RBFOX1: variants seen among roughly 807,000 people sequenced by gnomAD.
RBFOX1 encodes RNA binding fox-1 homolog 1, also known as RNA binding protein fox-1 homolog 1.
A neutral mutation model predicts 57.7 loss-of-function variants in RBFOX1; 8 were observed. The observed-to-expected ratio is 0.14, with a 90% CI of 0.08 to 0.25. The LOEUF is 0.25. Ranked by LOEUF, RBFOX1 falls within the 10% of genes least tolerant of loss-of-function variation. RBFOX1 has a pLI of 1.00. For missense variants in RBFOX1, 611 were observed against 548.5 expected (o/e 1.11, Z -1.14); for synonymous variants, 326 against 222.4 (o/e 1.47, Z -4.15).
intron 11 of RBFOX1, among the ~76,000 whole-genome samples, chr16:7,638,764 C>T (rs549391253): frequency 8.5e-5 from 13 of 152,242 alleles, no homozygotes; most frequent in East Asian, 3.9e-4. Flanking sequence ...AATGAATAGG[C>T]GTGACTGTGT....
chr16:6,738,040 A>T (rs1053169631), intron 3 of RBFOX1, among the ~76,000 whole-genome samples: 1 of 151,728 alleles, frequency 6.6e-6, no homozygotes, highest in African/African-American at 2.4e-5. Flanking sequence ...GAAAACAAAA[A>T]CACAAAGGAC....
chr16:5,732,891 A>G (rs977438625), intron 3 of RBFOX1, among the ~76,000 whole-genome samples: 1 of 152,142 alleles, frequency 6.6e-6, no homozygotes, highest in African/African-American at 2.4e-5. Flanking sequence ...AAAATAAAAA[A>G]TTGCACGAGG....
chr16:5,467,190 CTCTCTCTT>C, intron 1 of RBFOX1: 3 of 1,464,836 alleles, frequency 2.0e-6, no homozygotes, highest in Admixed American at 2.1e-5. Context: ...CTCTCTCTCT[CTCTCTCTT>C]TTTTTTTTTT....
At chr16:7,522,505 C>T (rs184464122) in intron 5 of RBFOX1, among the ~76,000 whole-genome samples, 12 of 152,200 alleles carry the variant, frequency 7.9e-5, no homozygotes, top group African/African-American at 2.9e-4. Flanking sequence ...GAGAGAGATG[C>T]AGAAGGGACA....
intron 1 of RBFOX1, among the ~76,000 whole-genome samples, chr16:6,248,968 G>T (rs1357689509): frequency 6.6e-6 from 1 of 152,162 alleles, no homozygotes; most frequent in Non-Finnish European, 1.5e-5. Flanking sequence ...AAGGAACAGT[G>T]GTGGATGAGA....
At chr16:6,578,063 C>T (rs1426955020) in intron 2 of RBFOX1, among the ~76,000 whole-genome samples, 1 of 151,704 alleles carries the variant, frequency 6.6e-6, no homozygotes. Context: ...TTCTGTGTTA[C>T]AACAAAAAAT....
chr16:7,137,538 C>T (rs1308749513), intron 4 of RBFOX1, among the ~76,000 whole-genome samples: 9 of 152,140 alleles, frequency 5.9e-5, no homozygotes. Context: ...GAGGCTTCCC[C>T]AGCCACGTGG....
At chr16:6,905,080 C>T (rs903730144) in intron 3 of RBFOX1, among the ~76,000 whole-genome samples, 2 of 152,096 alleles carry the variant, frequency 1.3e-5, no homozygotes, top group South Asian at 2.1e-4. Context: ...GTTTAACTTT[C>T]TTCCCTGGGA....
chr16:6,450,811 A>ATATATATATATATG (rs1567303343), intron 2 of RBFOX1, among the ~76,000 whole-genome samples: 2 of 24,104 alleles, frequency 8.3e-5, no homozygotes, highest in Non-Finnish European at 6.4e-5. Context: ...GTATATATAT[A>ATATATATATATATG]TATATACATA....
intron 3 of RBFOX1, among the ~76,000 whole-genome samples, chr16:6,670,931 C>T (rs1035947590): frequency 2.0e-5 from 3 of 152,010 alleles, no homozygotes; most frequent in Non-Finnish European, 4.4e-5. Flanking sequence ...ACCCAGGAGG[C>T]GGAGCTTGCA....
At chr16:7,195,485 C>T (rs938526025) in intron 4 of RBFOX1, among the ~76,000 whole-genome samples, 1 of 152,198 alleles carries the variant, frequency 6.6e-6, no homozygotes, top group Non-Finnish European at 1.5e-5. Flanking sequence ...ACTGACCCAA[C>T]AGCACAGATT....
Position 6,192,619 on chromosome 16 carries a change from C to T in RBFOX1, c.-126-124376C>T, listed in dbSNP as rs368395099. Among the ~76,000 whole-genome samples, 19 of 152,210 alleles carry T rather than the reference C, an allele frequency of 1.2e-4. 1 individual carries two copies. Among genetic ancestry groups the T allele is most frequent in the South Asian group, 4.1e-4 (2 of 4,826 alleles). ...AAATGGTATGCAAACTTCAGAGATA[C>T]GGTGGTGGAGATCCAAGTTTATATC... On this transcript the variant is annotated intron_variant, in intron 1 of 15. Transcript: ENST00000550418.
chr16:6,241,683 A>G (rs868382553), intron 1 of RBFOX1, among the ~76,000 whole-genome samples: 5 of 152,218 alleles, frequency 3.3e-5, no homozygotes, highest in African/African-American at 7.2e-5. Flanking sequence ...GAACACTGAT[A>G]CTGAGGAAAT....
chr16:5,886,433 A>T (rs2057901495), intron 4 of RBFOX1, among the ~76,000 whole-genome samples: 1 of 152,242 alleles, frequency 6.6e-6, no homozygotes, highest in South Asian at 2.1e-4. Flanking sequence ...AGACAGAAAT[A>T]ACTTTGGCGT....
intron 1 of RBFOX1, among the ~76,000 whole-genome samples, chr16:5,302,769 A>G (rs1331028682): frequency 1.3e-5 from 2 of 152,152 alleles, no homozygotes; most frequent in Non-Finnish European, 2.9e-5. Flanking sequence ...TAGTGTTTGC[A>G]TGGTATCTAA....
intron 2 of RBFOX1, among the ~76,000 whole-genome samples, chr16:6,470,707 A>G (rs534949183): frequency 1.3e-5 from 2 of 152,318 alleles, no homozygotes; most frequent in South Asian, 2.1e-4. Flanking sequence ...GAACCTGGTC[A>G]TCGATACCAC....
chr16:6,512,652 A>G (rs1330501867), intron 2 of RBFOX1, among the ~76,000 whole-genome samples: 1 of 152,168 alleles, frequency 6.6e-6, no homozygotes, highest in Non-Finnish European at 1.5e-5. Context: ...AAATGGGAAT[A>G]TCTGTGAGGC....
intron 3 of RBFOX1, among the ~76,000 whole-genome samples, chr16:6,955,971 G>C (rs577586842): frequency 1.2e-3 from 189 of 151,874 alleles, no homozygotes; most frequent in African/African-American, 4.3e-3. Flanking sequence ...CTCCCGAAGT[G>C]CTGGGATTAC....
At chr16:6,873,449 A>G (rs763333771) in intron 3 of RBFOX1, among the ~76,000 whole-genome samples, 10 of 152,222 alleles carry the variant, frequency 6.6e-5, no homozygotes, top group African/African-American at 1.4e-4. Flanking sequence ...TAGGCTTTCA[A>G]TTTTTCAGTT....
Sources: gnomAD v4.1 joint callset for allele counts (sites outside exome capture counted in the v4.1 genomes callset) on GRCh38, gnomAD v4.1.1 for gene constraint, MANE v1.5 for transcripts, NCBI Gene and HGNC (gene_info 2026-07-23, HGNC 2026-07-21) for gene names.